PPP2R3A: variants seen among roughly 807,000 people sequenced by gnomAD.
PPP2R3A encodes serine/threonine-protein phosphatase 2A regulatory subunit B'' subunit alpha.
Under a neutral mutation model 106.9 loss-of-function variants are expected in PPP2R3A, and 80 were observed. The observed-to-expected ratio is 0.75, with a 90% CI of 0.62 to 0.90. The LOEUF (loss-of-function observed/expected upper bound fraction) is 0.90. Among genes scored for constraint, PPP2R3A ranks in the 40% least tolerant of loss-of-function variants. The pLI, the probability that PPP2R3A is intolerant of heterozygous loss-of-function variation, is 0.00. For missense variants in PPP2R3A, 1,386 were observed against 1,350.4 expected (o/e 1.03, Z -0.41); for synonymous variants, 483 against 468.3 (o/e 1.03, Z -0.41).
intron 13 of PPP2R3A, among the ~76,000 whole-genome samples, chr3:136,108,401 A>G (rs954762893): frequency 1.3e-5 from 2 of 152,234 alleles, no homozygotes; most frequent in Non-Finnish European, 2.9e-5. Flanking sequence ...GAAGAAGACT[A>G]TGAAAGATCA....
chr3:135,984,688 G>A (rs1322369318), intron 1 of PPP2R3A, among the ~76,000 whole-genome samples: 2 of 152,146 alleles, frequency 1.3e-5, no homozygotes, highest in Admixed American at 6.5e-5. Flanking sequence ...CACCATGATT[G>A]TAAGTGTCCT....
rs1452735005 is a variant in PPP2R3A at position 136,055,646 on chromosome 3, T to C, written c.2469+6285T>C. On this transcript the variant is annotated intron_variant, in intron 5 of 13. Transcript: ENST00000264977. ...ACCTGCCTGCCAATGGACAAAGTAC[T>C]TGATACAGAGGTTGTTCATAAGGAG... is the stretch of plus-strand genomic sequence containing the variant. 3.1e-6 allele frequency: 4 copies of C among 1,286,118 alleles called. No individual in the cohort carries two copies. In the Admixed American group the frequency reaches 7.0e-5, roughly 23 times the overall value. The allele number at this position is 1,286,118 out of a possible 1,614,324, so 79.7% of individuals were successfully genotyped here. A position where few individuals can be genotyped will look rare whatever the true frequency, so the allele number is the denominator to read the frequency against.
In PPP2R3A at chr3:136,040,856, C is replaced by T; in HGVS notation, c.2263-3C>T. ...TTACCCTGTATGTGTTTTCTATTTG[C>T]AGGTCTGTGGCTGTCCTCTCTATTG... On this transcript the variant is annotated splice_region_variant and splice_polypyrimidine_tract_variant and intron_variant, in intron 3 of 13. Transcript: ENST00000264977. 1.2e-6 allele frequency: 2 copies of T among 1,609,054 alleles called. No homozygotes were observed. Among genetic ancestry groups the T allele is most frequent in the Non-Finnish European group, 1.7e-6 (2 of 1,177,782 alleles).
At chr3:136,130,483 C>T (rs1364632128) in intron 13 of PPP2R3A, among the ~76,000 whole-genome samples, 1 of 152,098 alleles carries the variant, frequency 6.6e-6, no homozygotes, top group East Asian at 1.9e-4. Flanking sequence ...AGGAGAACTA[C>T]AAATCACTGC....
chr3:135,968,795 C>T (rs937477384), intron 1 of PPP2R3A, among the ~76,000 whole-genome samples: 1 of 152,152 alleles, frequency 6.6e-6, no homozygotes, highest in African/African-American at 2.4e-5. Context: ...GCATATCTTT[C>T]CTCTTACTGT....
chr3:136,125,940 T>C (rs113290504), intron 13 of PPP2R3A, among the ~76,000 whole-genome samples: 5,026 of 152,066 alleles, frequency 0.033, 300 homozygotes, highest in African/African-American at 0.11. Context: ...CAAGTAAGGA[T>C]AGAGGGGAAG....
intron 1 of PPP2R3A, among the ~76,000 whole-genome samples, chr3:135,993,832 C>T (rs987144013): frequency 6.6e-6 from 1 of 151,960 alleles, no homozygotes; most frequent in African/African-American, 2.4e-5. Flanking sequence ...TGAGAGAAGC[C>T]AGAGAGAAAA....
intron 9 of PPP2R3A, among the ~76,000 whole-genome samples, chr3:136,090,090 A>C (rs573684242): frequency 3.7e-4 from 56 of 151,998 alleles, no homozygotes; most frequent in Non-Finnish European, 6.2e-4. Flanking sequence ...GATGTGTTTT[A>C]TTTCTTTCTC....
At position 136,082,296 on chromosome 3, in the gene PPP2R3A, T is replaced by C. The variant is rs150486255; in HGVS notation, c.2663T>C (p.Ile888Thr). The C allele has an allele frequency of 2.5e-6, 4 of 1,595,494 alleles. No homozygotes were observed. The highest frequency in any genetic ancestry group is 1.7e-5 in the Admixed American group (1 of 59,922). Residue 888 changes from isoleucine to threonine, a missense_variant, in exon 8 of 14, where the codon ATA becomes ACA. Ile to Thr is a moderately conservative substitution (Grantham distance 89). Coordinates refer to ENST00000264977, the MANE Select transcript of PPP2R3A (RefSeq NM_002718.5). ...GCACTTTTGGAAGAAGAGGAAGATATAAACCAAATTACAGATTACTTCTCC... is the reference window on the plus strand; with the variant it reads ...GCACTTTTGGAAGAAGAGGAAGATACAAACCAAATTACAGATTACTTCTCC... ...TLALLEEEED[I>T]NQITDYFSYE...
At chr3:136,017,082 G>T (rs139561959) in intron 2 of PPP2R3A, among the ~76,000 whole-genome samples, 202 of 152,280 alleles carry the variant, frequency 1.3e-3, no homozygotes, top group African/African-American at 4.7e-3. Flanking sequence ...ATGAAGCTTA[G>T]TTTAGTTGGA....
chr3:136,095,784 T>G (rs1157852921), intron 10 of PPP2R3A, among the ~76,000 whole-genome samples: 1 of 152,196 alleles, frequency 6.6e-6, no homozygotes, highest in Non-Finnish European at 1.5e-5. Context: ...CTAGGTACCC[T>G]GCATGTTATT....
intron 12 of PPP2R3A, among the ~76,000 whole-genome samples, chr3:136,105,911 G>A (rs1256502804): frequency 6.6e-6 from 1 of 151,978 alleles, no homozygotes; most frequent in Non-Finnish European, 1.5e-5. Context: ...AGTGAGCCGA[G>A]ATCGTGCCAC....
intron 3 of PPP2R3A, among the ~76,000 whole-genome samples, chr3:136,028,424 A>G (rs1934743274): frequency 1.3e-5 from 2 of 152,228 alleles, no homozygotes; most frequent in African/African-American, 4.8e-5. Context: ...CATTCCAGAA[A>G]TAAGAGCTTA....
intron 5 of PPP2R3A, among the ~76,000 whole-genome samples, chr3:136,061,290 C>T (rs1936066797): frequency 6.6e-6 from 1 of 152,122 alleles, no homozygotes; most frequent in Non-Finnish European, 1.5e-5. Context: ...TAAAATAATA[C>T]AGAATCATTT....
intron 13 of PPP2R3A, among the ~76,000 whole-genome samples, chr3:136,135,972 G>A (rs1166650026): frequency 6.8e-6 from 1 of 147,892 alleles, no homozygotes; most frequent in Non-Finnish European, 1.5e-5. Flanking sequence ...AACCTAGGAA[G>A]GAGGTGGAGG....
chr3:136,008,924 G>C (rs1559866355), intron 2 of PPP2R3A, among the ~76,000 whole-genome samples: 1 of 151,894 alleles, frequency 6.6e-6, no homozygotes, highest in African/African-American at 2.4e-5. Flanking sequence ...CTTCATCCTT[G>C]TTTACATTAG....
In PPP2R3A at chr3:136,140,443, A is replaced by T. The variant is rs1455130166; in HGVS notation, c.3330-4600A>T. On this transcript the variant is annotated intron_variant, in intron 13 of 13. Transcript: ENST00000264977. ...CCTGGGTGACAGAGTGAGACTCTTTAAAAAAAAAAAAAAAAAAAAAACCCG... is the reference window on the plus strand; with the variant it reads ...CCTGGGTGACAGAGTGAGACTCTTTTAAAAAAAAAAAAAAAAAAAAACCCG... Among the ~76,000 whole-genome samples the T allele has an allele frequency of 8.6e-5, 10 of 115,690 alleles. No homozygotes were observed. In the East Asian group the frequency reaches 1.9e-3, roughly 22 times the overall value. 75.9% of individuals were successfully genotyped at this position (115,690 alleles called of 152,430 possible). A position where few individuals can be genotyped will look rare whatever the true frequency, so the allele number is the denominator to read the frequency against.
At chr3:136,055,842 A>G (rs1935842733) in intron 5 of PPP2R3A, 1 of 511,532 alleles carries the variant, frequency 2.0e-6, no homozygotes, top group South Asian at 3.1e-5. Context: ...AGAATTGCAA[A>G]CAGTTTAGTA....
chr3:136,021,330 G>A (rs1408321034), intron 2 of PPP2R3A, among the ~76,000 whole-genome samples: 1 of 152,096 alleles, frequency 6.6e-6, no homozygotes, highest in East Asian at 1.9e-4. Flanking sequence ...CATAAGACCA[G>A]TGGTTTTCAG....
Sources: allele counts gnomAD v4.1 joint callset (sites outside exome capture counted in the v4.1 genomes callset), GRCh38; gene constraint gnomAD v4.1.1; transcripts MANE v1.5; gene names NCBI Gene and HGNC (gene_info 2026-07-23, HGNC 2026-07-21).